The following MAN2C1 variants were observed in gnomAD, a reference collection of about 807,000 sequenced individuals.
MAN2C1 encodes the protein alpha-mannosidase 2C1.
In MAN2C1, 111 loss-of-function variants were observed where a neutral mutation model predicts 126.9. The observed-to-expected ratio is 0.87, with a 90% CI of 0.75 to 1.02. The LOEUF (loss-of-function observed/expected upper bound fraction) is 1.02, where lower values mean the gene tolerates loss of function less well. Ranked by LOEUF, MAN2C1 falls within the 50% of genes least tolerant of loss-of-function variation. MAN2C1 has a pLI of 0.00. For missense variants in MAN2C1, 1,363 were observed against 1,364.4 expected, an observed-to-expected ratio of 1.00 and a Z score of 0.02; for synonymous variants, 567 against 561.5, an observed-to-expected ratio of 1.01 and a Z score of -0.14.
In MAN2C1 at chr15:75,361,099, G is replaced by C; in HGVS notation, c.1407C>G (p.Thr469=). Residue 469 remains threonine, a synonymous_variant, in exon 12 of 26, where the codon ACC becomes ACG. Transcript: ENST00000267978. This position sits in a 1 kb window ranked among gnomAD's most constrained non-coding sequence, Gnocchi z 5.0. ...FGFGDGGGGP[T]QTMLDRLKRL... ...GCTTCAGGCGGTCCAGCATGGTCTG[G>C]GTGGGGCCACCACCCCCATCCCCAA... 6.2e-7 allele frequency: 1 copy of C among 1,612,742 alleles called. No individual in the cohort carries two copies. The highest frequency in any genetic ancestry group is 8.5e-7 in the Non-Finnish European group (1 of 1,179,608).
At chr15:75,367,982 G>C (rs2072613556) in intron 2 of MAN2C1, 91 bp downstream of exon 2, 1 of 1,446,420 alleles carries the variant, frequency 6.9e-7, no homozygotes. Context: ...AGTTGTCTAC[G>C]GCAGAGGGCA....
Position 75,368,053 on chromosome 15 carries a change from A to G in MAN2C1, c.227+20T>C, listed in dbSNP as rs1567289921. The G allele has an allele frequency of 6.3e-7, 1 of 1,595,068 alleles. No individual in the cohort carries two copies. ...TTCCCCTAGGCCTGTGGCCCCGCCC[A>G]CCCGCTGGGCGTTACCTACGTGGGT... On this transcript the variant is annotated intron_variant, in intron 2 of 25. Transcript: ENST00000267978.
At position 75,367,062 on chromosome 15, in the gene MAN2C1, G is replaced by A. The variant is rs192314932; in HGVS notation, c.351+449C>T. Reference sequence around the variant, plus strand: ...TGCCTTCTTGTAGCCAGGAAGAACAGTCTTAACCCCAGATTGAGAGTCAGT... The same window carrying A: ...TGCCTTCTTGTAGCCAGGAAGAACAATCTTAACCCCAGATTGAGAGTCAGT... On this transcript the variant is annotated intron_variant, in intron 3 of 25. Coordinates refer to ENST00000267978, the MANE Select transcript of MAN2C1 (RefSeq NM_006715.4). 1.3e-3 allele frequency among the ~76,000 whole-genome samples: 193 copies of A among 152,266 alleles called. 1 individual carries two copies. Among genetic ancestry groups the A allele is most frequent in the South Asian group, 2.9e-3 (14 of 4,824 alleles).
At chr15:75,360,338 T>TG in intron 13 of MAN2C1, 127 bp from the exon 14 acceptor site, 1 of 1,405,822 alleles carries the variant, frequency 7.1e-7, no homozygotes, top group Non-Finnish European at 9.7e-7. Flanking sequence ...CTCTGGCGGG[T>TG]GACCTGCCTT....
In MAN2C1 at chr15:75,360,657, A is replaced by G; in HGVS notation, c.1492T>C (p.Ser498Pro). 1.2e-6 allele frequency: 2 copies of G among 1,613,850 alleles called. No individual in the cohort carries two copies. Among genetic ancestry groups the G allele is most frequent in the Non-Finnish European group, 1.7e-6 (2 of 1,179,986 alleles). ...TGCTCTGAGTCACTCTCCAGTGCTG[A>G]GAAGAGCTGTCTTGGAGAAGATAGC... Reference protein sequence around the residue: ...VQLSSPRQLFSALESDSEQLC... With the variant: ...VQLSSPRQLFPALESDSEQLC... The change falls in exon 13 of 26, where the codon TCA (serine) becomes CCA (proline). Residue 498 changes from serine to proline, a missense_variant. Ser to Pro is a moderately conservative substitution (Grantham distance 74). Transcript: ENST00000267978.
chr15:75,356,451 T>A lies in MAN2C1; in HGVS notation c.2738-2A>T. 6.3e-7 allele frequency: 1 copy of A among 1,595,648 alleles called. No homozygotes were observed. The highest frequency in any genetic ancestry group is 8.5e-7 in the Non-Finnish European group (1 of 1,172,430). The stretch of plus-strand genomic sequence containing the variant: ...TAACGCCAGCATCCTGGAAAGAGCC[T>A]GGGGTACGACCAGGAAACAATGCTG... On this transcript the variant is annotated splice_acceptor_variant, in intron 23 of 25. Transcript: ENST00000267978. LOFTEE classifies it high-confidence loss of function. The surrounding 1 kb of genome is among the most constrained non-coding windows in gnomAD (Gnocchi z 5.8).
chr15:75,360,044 C>T, intron 14 of MAN2C1, 46 bp downstream of exon 14: 1 of 1,614,058 alleles, frequency 6.2e-7, no homozygotes, highest in Admixed American at 1.7e-5. Context: ...ACAGAGGTAA[C>T]TGCAGTGAGC....
In MAN2C1 at chr15:75,362,752, T is replaced by A; in HGVS notation, c.791-4A>T. On this transcript the variant is annotated splice_polypyrimidine_tract_variant and splice_region_variant and intron_variant, in intron 6 of 25. Transcript: ENST00000267978. This position sits in a 1 kb window ranked among gnomAD's most constrained non-coding sequence, Gnocchi z 4.5. ...TCTTTGAAGGGCCAAAGCCAGGCTA[T>A]ACGGGGAGTGAGGTGGAGGACAGAG... 6.2e-7 allele frequency: 1 copy of A among 1,613,490 alleles called. No individual in the cohort carries two copies. The highest frequency in any genetic ancestry group is 8.5e-7 in the Non-Finnish European group (1 of 1,179,540).
rs1299107190 is a variant in MAN2C1, at chr15:75,364,664, G to A, written c.424C>T (p.Leu142Phe). ...DRLGERDPRSLTLYVEVACNG... is the reference protein window; with the variant it reads ...DRLGERDPRSFTLYVEVACNG... ...CAGGCTACTTCCACATAGAGAGTGA[G>A]GCTACAAAGATGGGGAGACAGCCTC... Residue 142 changes from leucine (L) to phenylalanine (F), a missense_variant and splice_region_variant, in exon 5 of 26, where the codon CTC becomes TTC. Leu to Phe is a conservative substitution (Grantham distance 22, BLOSUM62 0). Around this residue, in one of 3 missense-constraint regions of MAN2C1, gnomAD observed 628 missense variants for 609.8 expected, o/e 1.03. Coordinates refer to ENST00000267978, the MANE Select transcript of MAN2C1 (RefSeq NM_006715.4). 6 of 1,607,748 alleles carry A rather than the reference G, an allele frequency of 3.7e-6. No homozygotes were observed. Among genetic ancestry groups the A allele is most frequent in the East Asian group, 2.2e-5 (1 of 44,732 alleles).
Position 75,359,641 on chromosome 15 carries a change from G to C in MAN2C1, c.1927C>G (p.Pro643Ala). 1.9e-6 allele frequency: 3 copies of C among 1,614,108 alleles called. No individual in the cohort carries two copies. The highest frequency in any genetic ancestry group is 2.5e-6 in the Non-Finnish European group (3 of 1,180,028). Residue 643 changes from proline to alanine, a missense_variant, in exon 16 of 26, where the codon CCG (proline) becomes GCG (alanine). By Grantham distance (27) the Pro-to-Ala change is conservative. Coordinates refer to ENST00000267978, the MANE Select transcript of MAN2C1 (RefSeq NM_006715.4). ...GTACCTAGGCTGTGGGCCCCGCCCG[G>C]TTTGGGCAGGGCCATCACTTCGATC... ...KRIEVMALPK[P>A]GGAHSLALVT...
chr15:75,361,749 G>A lies in MAN2C1; in HGVS notation c.1102-29C>T. The A allele has an allele frequency of 6.2e-7, 1 of 1,604,640 alleles. No individual in the cohort carries two copies. Among genetic ancestry groups the A allele is most frequent in the Non-Finnish European group, 8.5e-7 (1 of 1,171,582 alleles). Reference sequence around the variant, plus strand: ...TGGAGAAAGAGGATCCTGGAGTGCAGGAACCAGAGCTCCAGGCGGACTCAC... The same window carrying A: ...TGGAGAAAGAGGATCCTGGAGTGCAAGAACCAGAGCTCCAGGCGGACTCAC... On this transcript the variant is annotated intron_variant, in intron 9 of 25. Coordinates refer to ENST00000267978, the MANE Select transcript of MAN2C1 (RefSeq NM_006715.4). The surrounding 1 kb of genome is among the most constrained non-coding windows in gnomAD (Gnocchi z 5.0).
chr15:75,360,842 CCTCT>C, intron 12 of MAN2C1, 154 bp from the exon 13 acceptor site: 1 of 1,187,874 alleles, frequency 8.4e-7, no homozygotes. Context: ...CCTAGGAGAG[CCTCT>C]CTCTCTGATG....
At chr15:75,359,225 C>A (rs2072413572) in intron 17 of MAN2C1, 72 bp from the exon 18 acceptor site, 2 of 1,592,528 alleles carry the variant, frequency 1.3e-6, no homozygotes, top group Admixed American at 1.7e-5. Flanking sequence ...ACCCCAACCC[C>A]AGCCCCGCCT....
intron 21 of MAN2C1, among the ~76,000 whole-genome samples, chr15:75,357,540 C>T (rs890665251): frequency 3.3e-5 from 5 of 152,024 alleles, no homozygotes; most frequent in Non-Finnish European, 5.9e-5. Context: ...ATCTCTTGAC[C>T]TCGTGATCCG....
Position 75,359,794 on chromosome 15 carries a change from G to C in MAN2C1, c.1793-19C>G. ...CGGATGTCTGAGGAAAGACTGGCTGGTCATAGGTGGGCAACAGGTCTGGAA... is the reference window on the plus strand; with the variant it reads ...CGGATGTCTGAGGAAAGACTGGCTGCTCATAGGTGGGCAACAGGTCTGGAA... On this transcript the variant is annotated intron_variant, in intron 15 of 25. Transcript: ENST00000267978. 1.2e-6 allele frequency: 2 copies of C among 1,613,772 alleles called. No homozygotes were observed. Among genetic ancestry groups the C allele is most frequent in the Non-Finnish European group, 1.7e-6 (2 of 1,179,882 alleles).
At chr15:75,358,071 T>A (rs1361429756) in intron 21 of MAN2C1, 130 bp downstream of exon 21, 1 of 1,155,026 alleles carries the variant, frequency 8.7e-7, no homozygotes, top group African/African-American at 1.5e-5. Context: ...AAGCATTTAG[T>A]GCAATGCCTG....
rs1002442219 is a variant in MAN2C1 at position 75,359,890 on chromosome 15, T to C, written c.1792+13A>G. The C allele has an allele frequency of 6.8e-6, 11 of 1,611,698 alleles. No homozygotes were observed. Among genetic ancestry groups the C allele is most frequent in the Admixed American group, 5.0e-5 (3 of 59,412 alleles). Reference sequence around the variant, plus strand: ...GGGTTGGAGAGAGCAGGCAGGACTATTGTGAGCCTAACCTTCATAATGGCA... The same window carrying C: ...GGGTTGGAGAGAGCAGGCAGGACTACTGTGAGCCTAACCTTCATAATGGCA... On this transcript the variant is annotated intron_variant, in intron 15 of 25. Coordinates refer to ENST00000267978, the MANE Select transcript of MAN2C1 (RefSeq NM_006715.4).
chr15:75,365,567 A>G (rs2072557447), intron 4 of MAN2C1: 2 of 177,484 alleles, frequency 1.1e-5, no homozygotes, highest in Non-Finnish European at 1.2e-5. Flanking sequence ...TCTACTAAAA[A>G]TACAAAAAAT....
intron 2 of MAN2C1, 81 bp from the exon 3 acceptor site, chr15:75,367,715 C>T: frequency 1.3e-6 from 2 of 1,555,400 alleles, no homozygotes; most frequent in South Asian, 1.2e-5. Flanking sequence ...TCGGCAGGGG[C>T]TTGAAACTCT....
Sources: gnomAD v4.1 joint callset for allele counts (sites outside exome capture counted in the v4.1 genomes callset) on GRCh38, gnomAD v4.1.1 for gene constraint, gnomAD v4.1.1 regional missense constraint, Gnocchi (gnomAD v3.1) non-coding constraint, MANE v1.5 for transcripts, NCBI Gene and HGNC (gene_info 2026-07-23, HGNC 2026-07-21) for gene names.